ZNF48: variants seen among roughly 807,000 people sequenced by gnomAD.
ZNF48 encodes the protein zinc finger protein 553.
ZNF48 carries 20 observed loss-of-function variants against 40.0 expected under a neutral mutation model. The ratio of observed to expected loss-of-function variants is 0.50; its 90% CI spans 0.35 to 0.73. The LOEUF (loss-of-function observed/expected upper bound fraction) is 0.73. ZNF48 is among the 30% of genes least tolerant of loss of function. The probability of loss-of-function intolerance (pLI) is 0.01; values close to 1 mark genes in which losing one functional copy is unlikely to be tolerated. For missense variants in ZNF48, 726 were observed against 851.9 expected (o/e 0.85, Z 1.84); for synonymous variants, 298 against 329.7 (o/e 0.90, Z 1.04).
At chr16:30,389,590 G>T (rs1163515926) in intron 1 of ZNF48, among the ~76,000 whole-genome samples, 4 of 144,552 alleles carry the variant, frequency 2.8e-5, no homozygotes, top group African/African-American at 1.0e-4. Context: ...AAAAAAAAAA[G>T]GCTCTTGCTT....
At chr16:30,389,340 G>A (rs944805490) in intron 1 of ZNF48, among the ~76,000 whole-genome samples, 3 of 151,076 alleles carry the variant, frequency 2.0e-5, no homozygotes, top group African/African-American at 4.9e-5. Context: ...GCAGTGAGCC[G>A]AGATTGTGCT....
chr16:30,382,153 G>C lies in ZNF48; in HGVS notation c.-16+3743G>C. On this transcript the variant is annotated intron_variant, in intron 1 of 2. Transcript: ENST00000528032. This position sits in a 1 kb window ranked among gnomAD's most constrained non-coding sequence, Gnocchi z 4.8. ...TTGGTGAGGAAGAGGCTGTTGATGA[G>C]GGTGGATTTCCCTAGGCCTGACTCC... The C allele has an allele frequency of 1.9e-6, 3 of 1,601,742 alleles. No homozygotes were observed. Among genetic ancestry groups the C allele is most frequent in the Non-Finnish European group, 2.6e-6 (3 of 1,174,150 alleles).
chr16:30,396,901 AG>A (rs1355618264), intron 2 of ZNF48, among the ~76,000 whole-genome samples: 2 of 151,718 alleles, frequency 1.3e-5, no homozygotes, highest in East Asian at 3.9e-4. Flanking sequence ...CATGTTGCCC[AG>A]GCTGGTTTCT....
Position 30,382,177 on chromosome 16 carries a change from C to A in ZNF48, c.-16+3767C>A. The stretch of plus-strand genomic sequence containing the variant: ...AGGGTGGATTTCCCTAGGCCTGACT[C>A]CCCTGTGGACAGAACAGGCCCAACT... On this transcript the variant is annotated intron_variant, in intron 1 of 2. Coordinates refer to the ZNF48 transcript ENST00000528032. This position sits in a 1 kb window ranked among gnomAD's most constrained non-coding sequence, Gnocchi z 4.8. 1 of 1,610,832 alleles carries A rather than the reference C, an allele frequency of 6.2e-7. No homozygotes were observed. The highest frequency in any genetic ancestry group is 8.5e-7 in the Non-Finnish European group (1 of 1,178,528).
chr16:30,390,459 G>A (rs1296981839), upstream of ZNF48, among the ~76,000 whole-genome samples: 1 of 151,844 alleles, frequency 6.6e-6, no homozygotes, highest in Non-Finnish European at 1.5e-5. Flanking sequence ...GCCCAGGATG[G>A]AGTGCAGTGG....
chr16:30,381,307 A>T lies in ZNF48; in HGVS notation c.-16+2897A>T. 1.2e-6 allele frequency: 2 copies of T among 1,610,046 alleles called. No individual in the cohort carries two copies. The highest frequency in any genetic ancestry group is 1.7e-6 in the Non-Finnish European group (2 of 1,177,028). On this transcript the variant is annotated intron_variant, in intron 1 of 2. Transcript: ENST00000528032. This position sits in a 1 kb window ranked among gnomAD's most constrained non-coding sequence, Gnocchi z 4.3. ...GCAGAGACCCCCCAGCCCTCCCTAA[A>T]TGCGCCAGCCCCCAGGATCCCCCCA...
rs1274908760 is a variant in ZNF48 at position 30,395,906 on chromosome 16, G to C, written c.79+33G>C. On this transcript the variant is annotated intron_variant, in intron 2 of 2. Coordinates refer to ENST00000613509, the MANE Select transcript of ZNF48 (RefSeq NM_001214909.2). The surrounding 1 kb of genome is among the most constrained non-coding windows in gnomAD (Gnocchi z 5.9). The stretch of plus-strand genomic sequence containing the variant: ...CCTCGGCCGTGCGCCGCCACGGACA[G>C]GTAACGGCCGGTGGGGACTGCGATG... The C allele has an allele frequency of 6.7e-7, 1 of 1,491,430 alleles. No homozygotes were observed. Among genetic ancestry groups the C allele is most frequent in the Non-Finnish European group, 8.9e-7 (1 of 1,118,332 alleles). The allele number at this position is 1,491,430 out of a possible 1,614,324, so 92.4% of individuals were successfully genotyped here. A position where few individuals can be genotyped will look rare whatever the true frequency, so the allele number is the denominator to read the frequency against.
intron 1 of ZNF48, chr16:30,379,910 C>A: frequency 2.2e-6 from 3 of 1,364,188 alleles, no homozygotes; most frequent in South Asian, 1.2e-5. Context: ...CCCGGCCTGC[C>A]TTCCTTCTTT....
intron 1 of ZNF48, chr16:30,378,946 C>A: frequency 4.7e-6 from 7 of 1,481,836 alleles, no homozygotes; most frequent in Non-Finnish European, 6.4e-6. Flanking sequence ...GTGGTGGGGA[C>A]GAGTCCTCAG....
chr16:30,396,281 A>G (rs970883410), intron 2 of ZNF48, among the ~76,000 whole-genome samples: 2 of 152,052 alleles, frequency 1.3e-5, no homozygotes, highest in African/African-American at 2.4e-5. Flanking sequence ...CTAGTGTCCA[A>G]TCCAAACCGT....
chr16:30,378,539 C>G, intron 1 of ZNF48: 1 of 1,599,278 alleles, frequency 6.3e-7, no homozygotes, highest in Non-Finnish European at 8.5e-7. Context: ...GGCGAGATTG[C>G]AGGCGGTGAC....
In ZNF48 at chr16:30,398,850, G is replaced by T; in HGVS notation, c.1600G>T (p.Ala534Ser). 1 of 1,613,826 alleles carries T rather than the reference G, an allele frequency of 6.2e-7. No homozygotes were observed. Among genetic ancestry groups the T allele is most frequent in the Non-Finnish European group, 8.5e-7 (1 of 1,179,986 alleles). Reference protein sequence around the residue: ...VPMAPRPRVRAQPSGPSQPHV... With the variant: ...VPMAPRPRVRSQPSGPSQPHV... ...CATGGCCCCTCGACCCCGAGTTCGG[G>T]CCCAGCCTTCTGGACCCAGCCAGCC... The change falls in exon 3 of 3, where the codon GCC becomes TCC. Residue 534 changes from alanine (A) to serine (S), a missense_variant. Physicochemically the swap from Ala to Ser is moderately conservative, Grantham distance 99 (BLOSUM62 1). This residue lies in a region of ZNF48 where 166 missense variants were observed against 163.6 expected (regional missense o/e 1.01). Coordinates refer to ENST00000613509, the MANE Select transcript of ZNF48 (RefSeq NM_001214909.2). This position sits in a 1 kb window ranked among gnomAD's most constrained non-coding sequence, Gnocchi z 6.6.
chr16:30,398,786 C>T lies in ZNF48; in HGVS notation c.1536C>T (p.Ser512=), dbSNP rs1395297980. 1.9e-6 allele frequency: 3 copies of T among 1,613,834 alleles called. No homozygotes were observed. Among genetic ancestry groups the T allele is most frequent in the Non-Finnish European group, 2.5e-6 (3 of 1,180,022 alleles). The change falls in exon 3 of 3, where the codon TCC becomes TCT. Residue 512 remains serine, a synonymous_variant. Transcript: ENST00000613509. The surrounding 1 kb of genome is among the most constrained non-coding windows in gnomAD (Gnocchi z 6.6). The part of the protein sequence containing the change: ...RGERARPPPP[S]TLLRPHNPPG... The stretch of plus-strand genomic sequence containing the variant: ...AACGGGCCCGGCCACCACCACCATC[C>T]ACTCTGCTGCGGCCACATAACCCAC...
rs926910957 is a variant in ZNF48, at chr16:30,382,911, C to G, written c.-16+4501C>G. The G allele has an allele frequency of 4.0e-5, 35 of 868,464 alleles. No individual in the cohort carries two copies. In the African/African-American group the frequency reaches 5.6e-4, roughly 14 times the overall value. The allele number at this position is 868,464 out of a possible 1,614,324, so 53.8% of individuals were successfully genotyped here. ...TTCCCAGGACGGGCAAGGTGGCTCT[C>G]GCCTGTAATCTCAGCACTTTGGGAG... On this transcript the variant is annotated intron_variant, in intron 1 of 2. Transcript: ENST00000528032. This position sits in a 1 kb window ranked among gnomAD's most constrained non-coding sequence, Gnocchi z 4.8.
chr16:30,397,579 G>A lies in ZNF48; in HGVS notation c.329G>A (p.Arg110Gln), dbSNP rs746440840. The part of the protein sequence containing the change: ...EPRWGQASSD[R>Q]AAVCGECGKS... ...CGCTGGGGCCAGGCTAGTAGTGATC[G>A]GGCCGCTGTGTGTGGTGAGTGTGGC... is the stretch of plus-strand genomic sequence containing the variant. The change falls in exon 3 of 3, where the codon CGG becomes CAG. Residue 110 changes from arginine to glutamine, a missense_variant. Arg to Gln is a conservative substitution (Grantham distance 43). This residue lies in a region of ZNF48 where 151 missense variants were observed against 162.3 expected (regional missense o/e 0.93). Coordinates refer to ENST00000613509, the MANE Select transcript of ZNF48 (RefSeq NM_001214909.2). The surrounding 1 kb of genome is among the most constrained non-coding windows in gnomAD (Gnocchi z 4.1). 12 of 1,613,944 alleles carry A rather than the reference G, an allele frequency of 7.4e-6. No individual in the cohort carries two copies. Among genetic ancestry groups the A allele is most frequent in the East Asian group, 2.2e-5 (1 of 44,902 alleles).
At chr16:30,395,242 G>A (rs1358143840), upstream of ZNF48, 4 of 456,204 alleles carry the variant, frequency 8.8e-6, no homozygotes, top group South Asian at 1.5e-5. The surrounding 1 kb of genome is among the most constrained non-coding windows in gnomAD (Gnocchi z 5.9). Flanking sequence ...CAGCCCAGGA[G>A]GCACACGGTT....
chr16:30,398,768 C>G lies in ZNF48; in HGVS notation c.1518C>G (p.Ala506=). 1 of 1,613,704 alleles carries G rather than the reference C, an allele frequency of 6.2e-7. No homozygotes were observed. Among genetic ancestry groups the G allele is most frequent in the Non-Finnish European group, 8.5e-7 (1 of 1,180,004 alleles). Reference sequence around the variant, plus strand: ...TCCGCACCCACCGTGGTGAACGGGCCCGGCCACCACCACCATCCACTCTGC... The same window carrying G: ...TCCGCACCCACCGTGGTGAACGGGCGCGGCCACCACCACCATCCACTCTGC... ...KHLRTHRGER[A]RPPPPSTLLR... The change falls in exon 3 of 3, where the codon GCC becomes GCG. Residue 506 remains alanine (A), a synonymous_variant. Transcript: ENST00000613509. The surrounding 1 kb of genome is among the most constrained non-coding windows in gnomAD (Gnocchi z 6.6).
Position 30,397,392 on chromosome 16 carries a change from G to A in ZNF48, c.142G>A (p.Asp48Asn). Residue 48 changes from aspartate (D) to asparagine (N), a missense_variant, in exon 3 of 3, where the codon GAC becomes AAC. Asp to Asn is a conservative substitution (Grantham distance 23). Coordinates refer to ENST00000613509, the MANE Select transcript of ZNF48 (RefSeq NM_001214909.2). The surrounding 1 kb of genome is among the most constrained non-coding windows in gnomAD (Gnocchi z 4.1). ...NEFEHTPQED[D>N]LGFKEEDLAP... is the part of the protein sequence containing the mutation. ...GTTTGAACATACCCCACAGGAAGATGACTTGGGGTTCAAGGAAGAAGATTT... is the reference window on the plus strand; with the variant it reads ...GTTTGAACATACCCCACAGGAAGATAACTTGGGGTTCAAGGAAGAAGATTT... 1 of 1,614,128 alleles carries A rather than the reference G, an allele frequency of 6.2e-7. No homozygotes were observed. The highest frequency in any genetic ancestry group is 1.1e-5 in the South Asian group (1 of 91,086).
In ZNF48 at chr16:30,395,742, C is replaced by T; in HGVS notation, c.-15-38C>T. The T allele has an allele frequency of 7.0e-7, 1 of 1,435,366 alleles. No individual in the cohort carries two copies. Among genetic ancestry groups the T allele is most frequent in the Non-Finnish European group, 9.2e-7 (1 of 1,085,944 alleles). The allele number at this position is 1,435,366 out of a possible 1,614,324, so 88.9% of individuals were successfully genotyped here. A position where few individuals can be genotyped will look rare whatever the true frequency, so the allele number is the denominator to read the frequency against. On this transcript the variant is annotated intron_variant, in intron 1 of 2. Transcript: ENST00000613509. The surrounding 1 kb of genome is among the most constrained non-coding windows in gnomAD (Gnocchi z 5.9). Reference sequence around the variant, plus strand: ...GCAGGGCGCCGCGGGCCACACATGGCTGCGTGACCGCGGGATGCTGTCTGT... The same window carrying T: ...GCAGGGCGCCGCGGGCCACACATGGTTGCGTGACCGCGGGATGCTGTCTGT...
Sources: allele counts gnomAD v4.1 joint callset (sites outside exome capture counted in the v4.1 genomes callset), GRCh38; gene constraint gnomAD v4.1.1; regional missense constraint gnomAD v4.1.1; non-coding constraint Gnocchi (gnomAD v3.1); transcripts MANE v1.5; gene names NCBI Gene and HGNC (gene_info 2026-07-23, HGNC 2026-07-21).